TENM3: variants seen among roughly 807,000 people sequenced by gnomAD.
TENM3 encodes the protein teneurin transmembrane protein 3, also known as teneurin-3.
Under a neutral mutation model 255.1 loss-of-function variants are expected in TENM3, and 63 were observed. That is an observed-to-expected ratio of 0.25 (90% CI 0.20 to 0.30). The LOEUF (loss-of-function observed/expected upper bound fraction) is 0.30, where lower values mean the gene tolerates loss of function less well. Ranked by LOEUF, TENM3 falls within the 10% of genes least tolerant of loss-of-function variation. The pLI is 1.00. For missense variants in TENM3, 2,929 were observed against 3,461.1 expected (o/e 0.85, Z 3.86); for synonymous variants, 1,306 against 1,322.3 (o/e 0.99, Z 0.27).
the TENM3 span, among the ~76,000 whole-genome samples, chr4:181,926,246 T>C: frequency 6.6e-3 from 1,006 of 152,300 alleles, 13 homozygotes; most frequent in African/African-American, 0.023. Flanking sequence ...GTGAATGAAA[T>C]ATGAATGGTC....
intron 19 of TENM3, among the ~76,000 whole-genome samples, chr4:182,749,459 G>T (rs949633375): frequency 2.0e-5 from 3 of 152,034 alleles, no homozygotes; most frequent in Admixed American, 6.6e-5. Flanking sequence ...AGGTTATAAG[G>T]CAAAAGACAT....
At chr4:181,961,623 G>A in the TENM3 span, among the ~76,000 whole-genome samples, 3 of 152,100 alleles carry the variant, frequency 2.0e-5, no homozygotes, top group African/African-American at 7.2e-5. Flanking sequence ...CTTTCACCGT[G>A]TTAGCCAAGA....
At chr4:182,509,118 A>C (rs1470760402) in intron 3 of TENM3, among the ~76,000 whole-genome samples, 3 of 152,234 alleles carry the variant, frequency 2.0e-5, no homozygotes, top group Non-Finnish European at 4.4e-5. Context: ...ATAATCTAGC[A>C]GGGATCCTTT....
chr4:182,634,470 C>A (rs1751673728), intron 5 of TENM3, among the ~76,000 whole-genome samples: 1 of 152,124 alleles, frequency 6.6e-6, no homozygotes, highest in South Asian at 2.1e-4. Flanking sequence ...GGTAAACTTT[C>A]TTTCATTGGA....
chr4:181,938,681 C>T, the TENM3 span, among the ~76,000 whole-genome samples: 4 of 152,198 alleles, frequency 2.6e-5, no homozygotes. Flanking sequence ...AATGCATCCC[C>T]CACCTCGTGC....
Position 182,792,998 on chromosome 4 carries a change from T to C in TENM3, c.6326T>C (p.Met2109Thr). The change falls in exon 26 of 28, where the codon ATG becomes ACG. Residue 2109 changes from methionine (M) to threonine (T), a missense_variant. Met to Thr is a moderately conservative substitution (Grantham distance 81). Coordinates refer to ENST00000511685, the MANE Select transcript of TENM3 (RefSeq NM_001080477.4). This position sits in a 1 kb window ranked among gnomAD's most constrained non-coding sequence, Gnocchi z 6.3. The part of the protein sequence containing the change: ...MYWITIQYDN[M>T]GRVTKREIKI... Reference sequence around the variant, plus strand: ...TGGATTACAATTCAGTATGATAACATGGGTCGGGTAACCAAGAGAGAGATT... The same window carrying C: ...TGGATTACAATTCAGTATGATAACACGGGTCGGGTAACCAAGAGAGAGATT... 6.2e-7 allele frequency: 1 copy of C among 1,613,948 alleles called. No individual in the cohort carries two copies. The highest frequency in any genetic ancestry group is 8.5e-7 in the Non-Finnish European group (1 of 1,179,860).
At chr4:182,786,847 G>GA (rs1200280248) in intron 24 of TENM3, among the ~76,000 whole-genome samples, 2 of 151,920 alleles carry the variant, frequency 1.3e-5, no homozygotes, top group Non-Finnish European at 1.5e-5. Flanking sequence ...ATCTAAGGAA[G>GA]AAAAAAAGGG....
At chr4:181,908,446 A>C in the TENM3 span, among the ~76,000 whole-genome samples, 204 of 152,302 alleles carry the variant, frequency 1.3e-3, 1 homozygote, top group African/African-American at 4.8e-3. Flanking sequence ...TTAAACAATA[A>C]TTTAATTTTA....
At chr4:181,877,171 G>T in the TENM3 span, 5 of 152,186 alleles carry the variant, frequency 3.3e-5, no homozygotes, top group South Asian at 1.0e-3. Flanking sequence ...CTTAAGTACC[G>T]TTAGAGTTTA....
At chr4:181,655,054 G>A in the TENM3 span, among the ~76,000 whole-genome samples, 21 of 152,302 alleles carry the variant, frequency 1.4e-4, no homozygotes, top group East Asian at 2.5e-3. Context: ...GAGAGTAATC[G>A]ACTGTGTTCA....
At chr4:182,679,945 T>G (rs1756007709) in intron 8 of TENM3, 69 bp downstream of exon 8, 1 of 1,350,878 alleles carries the variant, frequency 7.4e-7, no homozygotes, top group Non-Finnish European at 1.0e-6. Context: ...AAAAACTAAA[T>G]TATCTGTACC....
intron 1 of TENM3, among the ~76,000 whole-genome samples, chr4:182,172,761 T>C (rs746450298): frequency 4.6e-5 from 7 of 152,194 alleles, no homozygotes; most frequent in Non-Finnish European, 8.8e-5. Flanking sequence ...AGAAACAGAA[T>C]ATCTTGGTGG....
intron 22 of TENM3, among the ~76,000 whole-genome samples, chr4:182,760,861 G>A (rs552241397): frequency 2.6e-5 from 4 of 152,120 alleles, no homozygotes; most frequent in South Asian, 2.1e-4. Context: ...AGGGATCCCC[G>A]AAGAGGAAAG....
intron 1 of TENM3, among the ~76,000 whole-genome samples, chr4:182,299,223 T>G (rs1201108278): frequency 6.6e-6 from 1 of 151,748 alleles, no homozygotes; most frequent in Non-Finnish European, 1.5e-5. Context: ...TGTTGAAAAA[T>G]GAAAAACAGA....
chr4:182,745,710 T>C (rs892878108), intron 19 of TENM3, among the ~76,000 whole-genome samples: 1 of 152,092 alleles, frequency 6.6e-6, no homozygotes, highest in Non-Finnish European at 1.5e-5. Flanking sequence ...GGTTTTTCTG[T>C]GTCCCAGTGG....
At chr4:182,067,516 G>T in the TENM3 span, among the ~76,000 whole-genome samples, 4,943 of 152,236 alleles carry the variant, frequency 0.032, 284 homozygotes, top group African/African-American at 0.11. Flanking sequence ...GCCTGACCGA[G>T]GCTTTGGGAG....
chr4:182,067,582 G>C, the TENM3 span, among the ~76,000 whole-genome samples: 3 of 152,158 alleles, frequency 2.0e-5, 1 homozygote, highest in Admixed American at 6.5e-5. Context: ...TAAATCCTAG[G>C]AGCTGCAAAG....
chr4:182,716,866 T>C (rs1270611370), intron 13 of TENM3, among the ~76,000 whole-genome samples: 1 of 152,168 alleles, frequency 6.6e-6, no homozygotes, highest in Non-Finnish European at 1.5e-5. Flanking sequence ...AATGGTGACT[T>C]ATCCAGAGAG....
At chr4:182,354,605 T>C (rs2045407) in intron 3 of TENM3, among the ~76,000 whole-genome samples, 22,867 of 152,224 alleles carry the variant, frequency 0.15, 1,755 homozygotes, top group Admixed American at 0.19. Flanking sequence ...CATACACATA[T>C]AATTTTATAC....
Sources: allele counts gnomAD v4.1 joint callset (sites outside exome capture counted in the v4.1 genomes callset), GRCh38; gene constraint gnomAD v4.1.1; non-coding constraint Gnocchi (gnomAD v3.1); transcripts MANE v1.5; gene names NCBI Gene and HGNC (gene_info 2026-07-23, HGNC 2026-07-21).